Variants in PKHD1L1 observed in about 807,000 individuals in gnomAD.
PKHD1L1 encodes PKHD1 like 1.
A neutral mutation model predicts 462.9 loss-of-function variants in PKHD1L1; 434 were observed. That is an observed-to-expected ratio of 0.94 (90% CI 0.87 to 1.02). PKHD1L1 has a LOEUF of 1.02. PKHD1L1 is among the 50% of genes least tolerant of loss of function. The pLI is 0.00. For synonymous variants in PKHD1L1, 1,781 were observed against 1,750.0 expected (o/e 1.02, Z -0.44); for missense variants, 5,202 against 5,096.1 (o/e 1.02, Z -0.63).
chr8:109,443,103 C>T lies in PKHD1L1; in HGVS notation c.4551C>T (p.Ala1517=), dbSNP rs1586523087. The T allele has an allele frequency of 1.2e-6, 2 of 1,613,266 alleles. No individual in the cohort carries two copies. Among genetic ancestry groups the T allele is most frequent in the Admixed American group, 3.3e-5 (2 of 59,994 alleles). ...ACCTGTTTGTGGGTCGCTCTGAAGC[C>T]ACATATGCTTATGGTAAGATGGTTA... ...PLHLFVGRSE[A]TYAYGGPENL... The change falls in exon 36 of 78, where the codon GCC becomes GCT. Residue 1517 remains alanine, a synonymous_variant. Transcript: ENST00000378402.
intron 8 of PKHD1L1, among the ~76,000 whole-genome samples, chr8:109,389,449 C>T (rs773361057): frequency 2.6e-5 from 4 of 151,628 alleles, no homozygotes; most frequent in Non-Finnish European, 2.9e-5. Flanking sequence ...TAATTTTGCT[C>T]TGTTCTTTTC....
intron 46 of PKHD1L1, 23 bp from the exon 47 acceptor site, chr8:109,459,572 T>A (rs1406207695): frequency 3.2e-5 from 48 of 1,478,308 alleles, no homozygotes; most frequent in Non-Finnish European, 4.2e-5. Flanking sequence ...AATTTTAAAA[T>A]TTTTTTGTCA....
chr8:109,447,451 T>C (rs567714621), intron 38 of PKHD1L1, among the ~76,000 whole-genome samples: 5 of 152,228 alleles, frequency 3.3e-5, no homozygotes, highest in Non-Finnish European at 7.3e-5. Flanking sequence ...AATTTAGGTA[T>C]GTGGATATTC....
chr8:109,493,742 C>A lies in PKHD1L1; in HGVS notation c.10318C>A (p.Pro3440Thr). ...AGCAGGATACCGCATTGATGGTGAA[C>A]CTTGCCCAGGTAAGTCTTTTAAACC... ...GRAGYRIDGEPCPGQFNPVEK... is the reference protein window; with the variant it reads ...GRAGYRIDGETCPGQFNPVEK... The change falls in exon 63 of 78, where the codon CCT (proline) becomes ACT (threonine). Residue 3440 changes from proline (P) to threonine (T), a missense_variant. Pro to Thr is a conservative substitution (Grantham distance 38). This residue lies in a region of PKHD1L1 where 4,497 missense variants were observed against 4,336.8 expected (regional missense o/e 1.04). Coordinates refer to ENST00000378402, the MANE Select transcript of PKHD1L1 (RefSeq NM_177531.6). The A allele has an allele frequency of 6.3e-7, 1 of 1,598,702 alleles. No individual in the cohort carries two copies. Among genetic ancestry groups the A allele is most frequent in the Non-Finnish European group, 8.5e-7 (1 of 1,172,524 alleles).
At chr8:109,521,399 G>C (rs1820545114) in intron 73 of PKHD1L1, among the ~76,000 whole-genome samples, 2 of 152,154 alleles carry the variant, frequency 1.3e-5, no homozygotes, top group Admixed American at 1.3e-4. Context: ...TGACTCCAGA[G>C]GCCAGTTTAA....
chr8:109,509,378 TCC>T (rs1303166281), intron 70 of PKHD1L1, among the ~76,000 whole-genome samples: 4 of 152,044 alleles, frequency 2.6e-5, no homozygotes, highest in Non-Finnish European at 4.4e-5. Flanking sequence ...TTTTTACATT[TCC>T]CTTTTCTGGC....
At chr8:109,470,475 G>A (rs1006046247) in intron 50 of PKHD1L1, 128 of 1,608,586 alleles carry the variant, frequency 8.0e-5, no homozygotes, top group Non-Finnish European at 1.0e-4. Context: ...CCCAGATAGC[G>A]CTAGAGGAAG....
Position 109,461,768 on chromosome 8 carries a change from GA to G in PKHD1L1, c.7247-2del. Reference sequence around the variant, plus strand: ...TTAATGATGCTTTAAAAACTGTTTTGAAGGAGAATTTGCTACACAGACCTGT... The same window carrying G: ...TTAATGATGCTTTAAAAACTGTTTTGAGGAGAATTTGCTACACAGACCTGT... On this transcript the variant is annotated splice_polypyrimidine_tract_variant and splice_region_variant and intron_variant, in intron 47 of 77. Coordinates refer to ENST00000378402, the MANE Select transcript of PKHD1L1 (RefSeq NM_177531.6). 6.2e-7 allele frequency: 1 copy of G among 1,603,244 alleles called. No homozygotes were observed. Among genetic ancestry groups the G allele is most frequent in the Non-Finnish European group, 8.5e-7 (1 of 1,175,400 alleles).
chr8:109,452,390 A>G, intron 42 of PKHD1L1, 110 bp downstream of exon 42: 1 of 1,014,316 alleles, frequency 9.9e-7, no homozygotes, highest in Non-Finnish European at 1.3e-6. Flanking sequence ...AAAATAACTG[A>G]GCTGTGACCA....
chr8:109,468,652 T>A (rs935864807), intron 50 of PKHD1L1, among the ~76,000 whole-genome samples: 1 of 152,216 alleles, frequency 6.6e-6, no homozygotes, highest in Non-Finnish European at 1.5e-5. Context: ...GGTCTCACTG[T>A]GAGACTAAGT....
Position 109,416,589 on chromosome 8 carries a change from T to C in PKHD1L1, c.2361-2508T>C, listed in dbSNP as rs536728117. Among the ~76,000 whole-genome samples, 4 of 152,290 alleles carry C rather than the reference T, an allele frequency of 2.6e-5. No individual in the cohort carries two copies. In the East Asian group the frequency reaches 7.7e-4, roughly 29 times the overall value. ...CCATTACATAGTTCAATCCTATGTA[T>C]AAAATGGGACTGAAGCTAGCTCCTG... On this transcript the variant is annotated intron_variant, in intron 21 of 77. Coordinates refer to ENST00000378402, the MANE Select transcript of PKHD1L1 (RefSeq NM_177531.6).
chr8:109,438,865 T>C (rs762630706), intron 31 of PKHD1L1, 32 bp from the exon 32 acceptor site: 1 of 1,474,266 alleles, frequency 6.8e-7, no homozygotes, highest in South Asian at 1.3e-5. Context: ...AGTTGAACTT[T>C]TTGCATTATT....
chr8:109,529,007 T>A (rs1820951089), intron 77 of PKHD1L1, among the ~76,000 whole-genome samples: 1 of 152,100 alleles, frequency 6.6e-6, no homozygotes. Context: ...AGATACTGTA[T>A]AATAAAGTCG....
chr8:109,480,735 G>A, intron 55 of PKHD1L1: 1 of 359,556 alleles, frequency 2.8e-6, no homozygotes, highest in Non-Finnish European at 5.5e-6. Flanking sequence ...AAAATAATAA[G>A]CAGTTAGCAT....
At position 109,419,199 on chromosome 8, in the gene PKHD1L1, A is replaced by C; in HGVS notation, c.2463A>C (p.Ser821=). The C allele has an allele frequency of 6.2e-7, 1 of 1,613,278 alleles. No homozygotes were observed. The highest frequency in any genetic ancestry group is 1.1e-5 in the South Asian group (1 of 90,980). Residue 821 remains serine (S), a synonymous_variant, in exon 22 of 78, where the codon TCA becomes TCC. Coordinates refer to ENST00000378402, the MANE Select transcript of PKHD1L1 (RefSeq NM_177531.6). ...TTAGCTTACATAAAGCATCAGAATCACAGTCCTTCTATGTGGATGTAGTGT... is the reference window on the plus strand; with the variant it reads ...TTAGCTTACATAAAGCATCAGAATCCCAGTCCTTCTATGTGGATGTAGTGT... The part of the protein sequence containing the change: ...QRISLHKASE[S]QSFYVDVVYI...
At chr8:109,406,544 T>C in intron 17 of PKHD1L1, 66 bp downstream of exon 17, 2 of 1,431,898 alleles carry the variant, frequency 1.4e-6, no homozygotes, top group Non-Finnish European at 1.8e-6. Flanking sequence ...ACTCTAAAAG[T>C]TCCATAAGAT....
chr8:109,404,995 G>T lies in PKHD1L1; in HGVS notation c.1534G>T (p.Val512Phe), dbSNP rs753055991. ...AAAATGTTTCTTAATTGGAAAATAGGTTATAACATTGGAAAACTGGGAAAC... is the reference window on the plus strand; with the variant it reads ...AAAATGTTTCTTAATTGGAAAATAGTTTATAACATTGGAAAACTGGGAAAC... ...SQSTILQEVQVITLENWETTN... is the reference protein window; with the variant it reads ...SQSTILQEVQFITLENWETTN... The change falls in exon 16 of 78, where the codon GTT becomes TTT. Residue 512 changes from valine to phenylalanine, a missense_variant and splice_region_variant. Coordinates refer to ENST00000378402, the MANE Select transcript of PKHD1L1 (RefSeq NM_177531.6). 6.2e-5 allele frequency: 93 copies of T among 1,488,790 alleles called. No homozygotes were observed. Among genetic ancestry groups the T allele is most frequent in the Non-Finnish European group, 2.4e-5 (27 of 1,109,648 alleles). 92.2% of individuals were successfully genotyped at this position (1,488,790 alleles called of 1,614,324 possible).
In PKHD1L1 at chr8:109,382,412, C is replaced by A. The variant is rs1054993944; in HGVS notation, c.309-51C>A. 5.4e-6 allele frequency: 8 copies of A among 1,477,174 alleles called. No homozygotes were observed. The East Asian group carries it at 2.0e-4, about 36-fold the overall frequency. 91.5% of individuals were successfully genotyped at this position (1,477,174 alleles called of 1,614,324 possible). On this transcript the variant is annotated intron_variant, in intron 3 of 77. Transcript: ENST00000378402. ...CAGTATTTTTCATTAATACTATACA[C>A]TAAATAAGAGAGGAATTGCATGTCT...
At position 109,439,030 on chromosome 8, in the gene PKHD1L1, G is replaced by A; in HGVS notation, c.3894G>A (p.Lys1298=). The part of the protein sequence containing the change: ...NFTDIRCLLP[K]LSPGKHDIYV... Reference sequence around the variant, plus strand: ...CAGATATTAGATGCCTTTTGCCCAAGTTGTCTCCTGGAAAACATGATATCT... The same window carrying A: ...CAGATATTAGATGCCTTTTGCCCAAATTGTCTCCTGGAAAACATGATATCT... The change falls in exon 32 of 78, where the codon AAG becomes AAA. Residue 1298 remains lysine (K), a synonymous_variant. Transcript: ENST00000378402. The A allele has an allele frequency of 1.2e-6, 2 of 1,613,618 alleles. No individual in the cohort carries two copies. Among genetic ancestry groups the A allele is most frequent in the Admixed American group, 1.7e-5 (1 of 59,994 alleles).
Sources: gnomAD v4.1 joint callset for allele counts (sites outside exome capture counted in the v4.1 genomes callset) on GRCh38, gnomAD v4.1.1 for gene constraint, gnomAD v4.1.1 regional missense constraint, MANE v1.5 for transcripts, NCBI Gene and HGNC (gene_info 2026-07-23, HGNC 2026-07-21) for gene names.